Variants in RELN observed in about 807,000 individuals in gnomAD.
RELN encodes reelin.
A neutral mutation model predicts 427.6 loss-of-function variants in RELN; 108 were observed. The observed-to-expected ratio is 0.25, with a 90% CI of 0.22 to 0.30. RELN has a LOEUF of 0.30. Among genes scored for constraint, RELN ranks in the 10% least tolerant of loss-of-function variants. RELN has a pLI of 1.00. For missense variants in RELN, 3,715 were observed against 4,302.8 expected, an observed-to-expected ratio of 0.86 and a Z score of 3.82; for synonymous variants, 1,524 against 1,513.4, an observed-to-expected ratio of 1.01 and a Z score of -0.16.
chr7:103,971,269 A>G (rs1332196107), intron 1 of RELN, among the ~76,000 whole-genome samples: 1 of 152,174 alleles, frequency 6.6e-6, no homozygotes, highest in Non-Finnish European at 1.5e-5. Context: ...TTCCATATAA[A>G]CGAAACAACT....
rs1344740466 is a variant in RELN at position 103,489,749 on chromosome 7, G to A, written c.9756C>T (p.Ser3252=). The change falls in exon 60 of 65, where the codon AGC becomes AGT. Residue 3252 remains serine (S), a synonymous_variant. Transcript: ENST00000428762. The part of the protein sequence containing the change: ...TTGAICICDE[S]FQGDDCSVFS... ...GCAGCCTGGGATTCAGACCTTGGAA[G>A]CTCTCGTCGCAGATGCAGATGGCAC... is the stretch of plus-strand genomic sequence containing the variant. The A allele has an allele frequency of 4.8e-5, 77 of 1,613,942 alleles. No homozygotes were observed. The highest frequency in any genetic ancestry group is 6.3e-5 in the Non-Finnish European group (74 of 1,179,994).
At chr7:103,888,593 A>T (rs2299395) in intron 2 of RELN, among the ~76,000 whole-genome samples, 4 of 152,156 alleles carry the variant, frequency 2.6e-5, no homozygotes, top group African/African-American at 9.7e-5. Context: ...GATGGCCTCA[A>T]AATCTAGTAA....
chr7:103,710,088 T>C (rs1331596987), intron 8 of RELN, among the ~76,000 whole-genome samples: 6 of 152,220 alleles, frequency 3.9e-5, no homozygotes, highest in African/African-American at 1.2e-4. Context: ...ATGTTTGTCA[T>C]AGACAGAAGA....
At chr7:103,562,939 T>G (rs1220619635) in intron 34 of RELN, among the ~76,000 whole-genome samples, 1 of 152,230 alleles carries the variant, frequency 6.6e-6, no homozygotes, top group East Asian at 1.9e-4. Flanking sequence ...CTGGCAACAC[T>G]GAGCCCTTGA....
intron 3 of RELN, among the ~76,000 whole-genome samples, chr7:103,781,625 T>C (rs531440092): frequency 5.3e-5 from 8 of 152,144 alleles, no homozygotes; most frequent in Non-Finnish European, 1.2e-4. Flanking sequence ...CCTGTCTAAC[T>C]GAAATTTTGT....
In RELN at chr7:103,598,763, G is replaced by T. The variant is rs543151051; in HGVS notation, c.3334-2102C>A. On this transcript the variant is annotated intron_variant, in intron 24 of 64. Coordinates refer to ENST00000428762, the MANE Select transcript of RELN (RefSeq NM_005045.4). ...CACAAATCATTTTCTTTTGTTTGGT[G>T]ACCTGAAATGCTGAACATTGTTTTA... Among the ~76,000 whole-genome samples the T allele has an allele frequency of 2.4e-4, 36 of 152,258 alleles. 1 individual carries two copies. The highest frequency in any genetic ancestry group is 8.2e-4 in the African/African-American group (34 of 41,568).
chr7:103,956,879 G>A (rs1390801453), intron 1 of RELN, among the ~76,000 whole-genome samples: 1 of 152,052 alleles, frequency 6.6e-6, no homozygotes, highest in South Asian at 2.1e-4. Flanking sequence ...TGTCAAAGAG[G>A]TCCATGAAAA....
At chr7:103,825,298 A>G (rs979143641) in intron 3 of RELN, among the ~76,000 whole-genome samples, 2 of 152,042 alleles carry the variant, frequency 1.3e-5, no homozygotes, top group African/African-American at 4.8e-5. Context: ...GACAGAGGAA[A>G]ATGCCTTAGC....
intron 38 of RELN, among the ~76,000 whole-genome samples, chr7:103,556,198 C>T (rs1329815394): frequency 6.6e-6 from 1 of 152,176 alleles, no homozygotes; most frequent in African/African-American, 2.4e-5. Flanking sequence ...CTAAGTCCCT[C>T]TCACTTCGTC....
At chr7:103,904,261 G>A (rs983236574) in intron 2 of RELN, among the ~76,000 whole-genome samples, 2 of 152,116 alleles carry the variant, frequency 1.3e-5, no homozygotes, top group Non-Finnish European at 2.9e-5. Flanking sequence ...ATCACTGATG[G>A]GCATTTGGGC....
chr7:103,521,645 G>T (rs1226443706), intron 48 of RELN, among the ~76,000 whole-genome samples: 1 of 152,136 alleles, frequency 6.6e-6, no homozygotes, highest in Non-Finnish European at 1.5e-5. Context: ...TCTTTTCCAA[G>T]ATGAACATTC....
At chr7:103,939,043 T>C (rs1387577605) in intron 1 of RELN, among the ~76,000 whole-genome samples, 1 of 151,816 alleles carries the variant, frequency 6.6e-6, no homozygotes. Context: ...GCCTCTCGGG[T>C]TCAAGTGATT....
chr7:103,575,364 T>A (rs1394408199), intron 29 of RELN, among the ~76,000 whole-genome samples, 184 bp downstream of exon 29: 1 of 152,226 alleles, frequency 6.6e-6, no homozygotes, highest in Non-Finnish European at 1.5e-5. Context: ...GTTTCCTTTT[T>A]GGAGCAGCTC....
At chr7:103,779,768 G>A (rs554098939) in intron 3 of RELN, among the ~76,000 whole-genome samples, 170 of 152,088 alleles carry the variant, frequency 1.1e-3, no homozygotes, top group African/African-American at 3.9e-3. Flanking sequence ...TTGCTCTGTC[G>A]CCAAGCTGGA....
chr7:103,531,283 C>A (rs544824551), intron 46 of RELN, among the ~76,000 whole-genome samples: 1 of 152,162 alleles, frequency 6.6e-6, no homozygotes, highest in Non-Finnish European at 1.5e-5. Flanking sequence ...GCAGAGCCCT[C>A]CACTCTACTA....
intron 31 of RELN, among the ~76,000 whole-genome samples, chr7:103,570,797 G>C (rs1375891613): frequency 6.6e-6 from 1 of 152,168 alleles, no homozygotes; most frequent in Non-Finnish European, 1.5e-5. Context: ...TAGCACAGGG[G>C]AGAAATCATT....
chr7:103,603,502 C>G lies in RELN; in HGVS notation c.3147-12G>C. On this transcript the variant is annotated splice_polypyrimidine_tract_variant and intron_variant, in intron 23 of 64. Transcript: ENST00000428762. The surrounding 1 kb of genome is among the most constrained non-coding windows in gnomAD (Gnocchi z 4.3). ...ACCCCTGGTCACACCTATGAGAGAG[C>G]AGGGCTGAGTAGGCAGGTTACAGGC... 6.2e-7 allele frequency: 1 copy of G among 1,612,358 alleles called. No individual in the cohort carries two copies. Among genetic ancestry groups the G allele is most frequent in the Non-Finnish European group, 8.5e-7 (1 of 1,178,488 alleles).
chr7:103,593,548 G>A, intron 27 of RELN, 134 bp downstream of exon 27: 1 of 798,890 alleles, frequency 1.3e-6, no homozygotes, highest in East Asian at 2.6e-5. Context: ...TTCTAACACT[G>A]TTAAGCTTTC....
chr7:103,518,300 C>T (rs1480755950), intron 49 of RELN, among the ~76,000 whole-genome samples: 1 of 148,158 alleles, frequency 6.7e-6, no homozygotes, highest in Non-Finnish European at 1.5e-5. Flanking sequence ...ATCTGGCTTG[C>T]ATGCATTAAA....
Sources: gnomAD v4.1 joint callset for allele counts (sites outside exome capture counted in the v4.1 genomes callset) on GRCh38, gnomAD v4.1.1 for gene constraint, Gnocchi (gnomAD v3.1) non-coding constraint, MANE v1.5 for transcripts, NCBI Gene and HGNC (gene_info 2026-07-23, HGNC 2026-07-21) for gene names.